The following CRPPA variants were observed in gnomAD, a reference collection of about 807,000 sequenced individuals.
The protein encoded by CRPPA is D-ribitol-5-phosphate cytidylyltransferase.
In CRPPA, 43 loss-of-function variants were observed where a neutral mutation model predicts 52.0. The ratio of observed to expected loss-of-function variants is 0.83; its 90% CI spans 0.65 to 1.07. The LOEUF (loss-of-function observed/expected upper bound fraction) is 1.07. CRPPA is among the 50% of genes least tolerant of loss of function. The pLI, the probability that CRPPA is intolerant of heterozygous loss-of-function variation, is 0.00. For synonymous variants in CRPPA, 250 were observed against 203.5 expected (o/e 1.23, Z -1.94); for missense variants, 629 against 551.7 (o/e 1.14, Z -1.40).
Position 16,107,674 on chromosome 7 carries a change from C to CA in CRPPA, c.1252-15876dup, listed in dbSNP as rs142312797. On this transcript the variant is annotated intron_variant, in intron 9 of 9. Coordinates refer to ENST00000407010, the MANE Select transcript of CRPPA (RefSeq NM_001101426.4). ...ATTAATAATATGAACTATAAAAAAG[C>CA]AAAAAAAATCAATTGTATAAGTAAA... is the stretch of plus-strand genomic sequence containing the variant. 3.3e-3 allele frequency among the ~76,000 whole-genome samples: 497 copies of CA among 150,364 alleles called. 3 individuals carry two copies. In the Middle Eastern group the frequency reaches 0.049, roughly 15 times the overall value.
rs200404448 is a variant in CRPPA at position 16,089,465 on chromosome 7, A to ATATG, written c.*2226_*2229dup. The ATATG allele has an allele frequency of 6.6e-3, 2,174 of 328,798 alleles. 45 individuals are homozygous for ATATG. Among genetic ancestry groups the ATATG allele is most frequent in the African/African-American group, 0.039 (1,799 of 46,082 alleles). 20.4% of individuals were successfully genotyped at this position (328,798 alleles called of 1,614,324 possible). A position where few individuals can be genotyped will look rare whatever the true frequency, so the allele number is the denominator to read the frequency against. On this transcript the variant is annotated 3_prime_UTR_variant, in exon 10 of 10. Transcript: ENST00000407010. ...TGTACGTGCATACATATATGTGTATATATGTACGTACATATATACGGGTAT... is the reference window on the plus strand; with the variant it reads ...TGTACGTGCATACATATATGTGTATATATGTATGTACGTACATATATACGGGTAT...
chr7:16,164,182 T>C (rs1408473759), intron 9 of CRPPA, among the ~76,000 whole-genome samples: 2 of 152,208 alleles, frequency 1.3e-5, no homozygotes, highest in Non-Finnish European at 2.9e-5. Context: ...CATAGCCCCA[T>C]ATTTCTTGGA....
chr7:16,109,382 A>T (rs1782216251), intron 9 of CRPPA, among the ~76,000 whole-genome samples: 1 of 151,946 alleles, frequency 6.6e-6, no homozygotes, highest in South Asian at 2.1e-4. Flanking sequence ...ATAAGAAAAG[A>T]CCAATAACAA....
intron 5 of CRPPA, among the ~76,000 whole-genome samples, chr7:16,291,779 T>TA (rs1292787766): frequency 4.6e-5 from 7 of 151,900 alleles, no homozygotes; most frequent in Non-Finnish European, 1.0e-4. Flanking sequence ...AGATGATTGA[T>TA]ACCCTCAATA....
chr7:16,108,004 T>A (rs1361501365), intron 9 of CRPPA, among the ~76,000 whole-genome samples: 1 of 151,586 alleles, frequency 6.6e-6, no homozygotes, highest in Non-Finnish European at 1.5e-5. Context: ...TCAGTGGAAA[T>A]ACAAAACAAA....
intron 9 of CRPPA, among the ~76,000 whole-genome samples, chr7:16,151,832 G>A (rs1783081319): frequency 6.6e-6 from 1 of 151,782 alleles, no homozygotes; most frequent in Admixed American, 6.6e-5. Flanking sequence ...AAAAATACTA[G>A]TAAATATTGT....
At chr7:16,222,030 A>C (rs965668464) in intron 8 of CRPPA, among the ~76,000 whole-genome samples, 1 of 151,110 alleles carries the variant, frequency 6.6e-6, no homozygotes, top group Non-Finnish European at 1.5e-5. Context: ...ACAATAGCAA[A>C]GACTTGGAAC....
At chr7:16,311,221 C>A (rs2214623) in intron 3 of CRPPA, among the ~76,000 whole-genome samples, 63,111 of 151,510 alleles carry the variant, frequency 0.42, 13,420 homozygotes, top group East Asian at 0.49. Context: ...ACGACCCATG[C>A]ATTGTATTAT....
intron 9 of CRPPA, among the ~76,000 whole-genome samples, chr7:16,182,310 G>C (rs902343182): frequency 7.9e-5 from 12 of 151,862 alleles, no homozygotes; most frequent in African/African-American, 2.9e-4. Flanking sequence ...AATATAAAAA[G>C]ATTTATTAGG....
At chr7:16,326,061 C>CAAAAA (rs5882567) in intron 3 of CRPPA, among the ~76,000 whole-genome samples, 3 of 135,642 alleles carry the variant, frequency 2.2e-5, no homozygotes, top group Non-Finnish European at 1.6e-5. Flanking sequence ...AAGAAAATCT[C>CAAAAA]AAAAAAAAAA....
chr7:16,396,637 A>G (rs962305900), intron 2 of CRPPA, among the ~76,000 whole-genome samples: 3 of 152,276 alleles, frequency 2.0e-5, no homozygotes, highest in African/African-American at 4.8e-5. Flanking sequence ...TATATGTAGC[A>G]GCACAACTTG....
At chr7:16,383,209 CA>C (rs1787159830) in intron 2 of CRPPA, among the ~76,000 whole-genome samples, 2 of 152,194 alleles carry the variant, frequency 1.3e-5, no homozygotes, top group Non-Finnish European at 2.9e-5. Context: ...TTCCTTCTAA[CA>C]GACAGGACCC....
intron 9 of CRPPA, among the ~76,000 whole-genome samples, chr7:16,107,076 T>A (rs1562507238): frequency 6.6e-6 from 1 of 151,536 alleles, no homozygotes; most frequent in East Asian, 1.9e-4. Flanking sequence ...ATACAGTTAG[T>A]GAAGAAGAAC....
At chr7:16,248,012 T>C (rs1783326627) in intron 8 of CRPPA, 1 of 151,704 alleles carries the variant, frequency 6.6e-6, no homozygotes, top group East Asian at 1.9e-4. Flanking sequence ...AGCCTAGGAT[T>C]GAGACACAAT....
chr7:16,365,994 T>C (rs1786579943), intron 3 of CRPPA, among the ~76,000 whole-genome samples: 2 of 152,124 alleles, frequency 1.3e-5, no homozygotes, highest in Admixed American at 1.3e-4. Flanking sequence ...TAAAACAAAA[T>C]ATCTCAGACT....
intron 9 of CRPPA, among the ~76,000 whole-genome samples, chr7:16,102,832 T>C (rs1033088588): frequency 7.9e-5 from 12 of 152,108 alleles, no homozygotes; most frequent in South Asian, 2.1e-4. Context: ...TGTGGAGAAA[T>C]AGGAACACTT....
intron 9 of CRPPA, among the ~76,000 whole-genome samples, chr7:16,114,847 G>A (rs879611736): frequency 3.3e-5 from 5 of 152,136 alleles, no homozygotes; most frequent in East Asian, 1.9e-4. Context: ...ATTAGGTATC[G>A]TGTAAACCCT....
chr7:16,224,316 A>G (rs889636871), intron 8 of CRPPA, among the ~76,000 whole-genome samples: 1 of 152,194 alleles, frequency 6.6e-6, no homozygotes, highest in Non-Finnish European at 1.5e-5. Context: ...CGGATACATT[A>G]ATTAAAGGAC....
intron 2 of CRPPA, among the ~76,000 whole-genome samples, chr7:16,400,729 C>G (rs1045581838): frequency 2.6e-5 from 4 of 152,188 alleles, no homozygotes; most frequent in Non-Finnish European, 5.9e-5. Flanking sequence ...GACACGTGAC[C>G]AACACCTGTG....
Sources: gnomAD v4.1 joint callset for allele counts (sites outside exome capture counted in the v4.1 genomes callset) on GRCh38, gnomAD v4.1.1 for gene constraint, MANE v1.5 for transcripts, NCBI Gene and HGNC (gene_info 2026-07-23, HGNC 2026-07-21) for gene names.